The following RNF123 variants were observed in gnomAD, a reference collection of about 807,000 sequenced individuals.
RNF123 encodes E3 ubiquitin-protein ligase RNF123.
In RNF123, 86 loss-of-function variants were observed where a neutral mutation model predicts 168.5. The observed-to-expected ratio is 0.51, with a 90% CI of 0.43 to 0.61. The LOEUF is 0.61. RNF123 is among the 20% of genes least tolerant of loss of function. The pLI is 0.00. For synonymous variants in RNF123, 666 were observed against 689.1 expected, an observed-to-expected ratio of 0.97 and a Z score of 0.52; for missense variants, 1,419 against 1,729.7, an observed-to-expected ratio of 0.82 and a Z score of 3.19.
chr3:49,698,416 A>T, intron 7 of RNF123, 24 bp from the exon 8 acceptor site: 1 of 1,600,012 alleles, frequency 6.2e-7, no homozygotes, highest in Non-Finnish European at 8.6e-7. Context: ...CTCACCAGGG[A>T]CCTCATAGGC....
intron 29 of RNF123, 23 bp from the exon 30 acceptor site, chr3:49,713,887 C>G (rs771767219): frequency 6.2e-7 from 1 of 1,613,276 alleles, no homozygotes; most frequent in Non-Finnish European, 8.5e-7. Context: ...CTCACCCCGT[C>G]TCTCCCCTCC....
At position 49,691,482 on chromosome 3, in the gene RNF123, A is replaced by G. The variant is rs1329124932; in HGVS notation, c.140A>G (p.Glu47Gly). Residue 47 changes from glutamate (E) to glycine (G), a missense_variant, in exon 3 of 39, where the codon GAA (glutamate) becomes GGA (glycine). Glu to Gly is a moderately conservative substitution (Grantham distance 98). Around this residue, in one of 5 missense-constraint regions of RNF123, gnomAD observed 318 missense variants for 446.6 expected, o/e 0.71. Coordinates refer to ENST00000327697, the MANE Select transcript of RNF123 (RefSeq NM_022064.5). Reference sequence around the variant, plus strand: ...CTGAACCGCATCTTTTCCTCTTCTGAACATGCACCCCCAGCAGCCACCAGC... The same window carrying G: ...CTGAACCGCATCTTTTCCTCTTCTGGACATGCACCCCCAGCAGCCACCAGC... ...DYLNRIFSSSEHAPPAATSRK... is the reference protein window; with the variant it reads ...DYLNRIFSSSGHAPPAATSRK... 1 of 1,614,146 alleles carries G rather than the reference A, an allele frequency of 6.2e-7. No homozygotes were observed. Among genetic ancestry groups the G allele is most frequent in the Non-Finnish European group, 8.5e-7 (1 of 1,180,022 alleles).
In RNF123 at chr3:49,712,880, AAGATGGAACACGGTGGGTGT is replaced by A. The variant is rs1361702243; in HGVS notation, c.2674+228_2674+247del. 6 of 705,512 alleles carry A rather than the reference AAGATGGAACACGGTGGGTGT, an allele frequency of 8.5e-6. No homozygotes were observed. In the African/African-American group the frequency reaches 1.0e-4, roughly 12 times the overall value. 43.7% of individuals were successfully genotyped at this position (705,512 alleles called of 1,614,324 possible). A position where few individuals can be genotyped will look rare whatever the true frequency, so the allele number is the denominator to read the frequency against. On this transcript the variant is annotated intron_variant, in intron 27 of 38. Coordinates refer to ENST00000327697, the MANE Select transcript of RNF123 (RefSeq NM_022064.5). ...AGCTCCCTAGCAAAGGAAAACAGAC[AAGATGGAACACGGTGGGTGT>A]AGACCTCTTGGCTTTCACTTCCTTC...
At chr3:49,710,856 T>G (rs2080132218) in intron 26 of RNF123, among the ~76,000 whole-genome samples, 1 of 152,206 alleles carries the variant, frequency 6.6e-6, no homozygotes, top group Admixed American at 6.5e-5. Flanking sequence ...GAGTGTGATG[T>G]TAGATGGAGG....
chr3:49,720,669 G>A lies in RNF123; in HGVS notation c.3643+16G>A. 1 of 1,595,164 alleles carries A rather than the reference G, an allele frequency of 6.3e-7. No homozygotes were observed. On this transcript the variant is annotated intron_variant, in intron 36 of 38. Transcript: ENST00000327697. Reference sequence around the variant, plus strand: ...CTGCAGAGCTGTGAGTGGGCTGGTGGGGCAGGTCAGGGAAATCTGGGGCTG... The same window carrying A: ...CTGCAGAGCTGTGAGTGGGCTGGTGAGGCAGGTCAGGGAAATCTGGGGCTG...
chr3:49,691,566 G>T (rs2054167495), intron 3 of RNF123, 57 bp downstream of exon 3: 2 of 1,428,908 alleles, frequency 1.4e-6, no homozygotes, highest in African/African-American at 1.4e-5. Flanking sequence ...GAATAAGGAG[G>T]CTGCAGTTGT....
In RNF123 at chr3:49,703,483, C is replaced by A. The variant is rs2054449691; in HGVS notation, c.1807C>A (p.Gln603Lys). The stretch of plus-strand genomic sequence containing the variant: ...TGGCAAGGTGGACTACTTTGACCTG[C>A]AGCGCCTGGGGGGCCTCCTCTCGCA... ...YNGKVDYFDL[Q>K]RLGGLLSHLR... The change falls in exon 21 of 39, where the codon CAG becomes AAG. Residue 603 changes from glutamine (Q) to lysine (K), a missense_variant. Gln to Lys is a moderately conservative substitution (Grantham distance 53). Coordinates refer to ENST00000327697, the MANE Select transcript of RNF123 (RefSeq NM_022064.5). The A allele has an allele frequency of 2.5e-6, 4 of 1,614,050 alleles. No individual in the cohort carries two copies. The highest frequency in any genetic ancestry group is 3.4e-6 in the Non-Finnish European group (4 of 1,179,980).
chr3:49,709,543 A>G (rs1575533892), intron 26 of RNF123, among the ~76,000 whole-genome samples: 1 of 150,282 alleles, frequency 6.7e-6, no homozygotes. Context: ...CTCGTGATCC[A>G]CCCGCCTCGG....
chr3:49,704,068 G>T (rs1480034323), intron 21 of RNF123, among the ~76,000 whole-genome samples: 1 of 152,228 alleles, frequency 6.6e-6, no homozygotes, highest in African/African-American at 2.4e-5. Context: ...AGGTTGTGTG[G>T]ATGGGGTGCC....
In RNF123 at chr3:49,691,211, A is replaced by T. The variant is rs2054156414; in HGVS notation, c.46A>T (p.Arg16Trp). ...CATGTCTTTCTCCCGCAAGAGCTAT[A>T]GGCTGACCTCAGATGCTGAGAAATC... ...AGMSFSRKSY[R>W]LTSDAEKSRV... The change falls in exon 2 of 39, where the codon AGG becomes TGG. Residue 16 changes from arginine to tryptophan, a missense_variant. Physicochemically the swap from Arg to Trp is moderately radical, Grantham distance 101. Around this residue, in one of 5 missense-constraint regions of RNF123, gnomAD observed 318 missense variants for 446.6 expected, o/e 0.71. Transcript: ENST00000327697. 6.2e-7 allele frequency: 1 copy of T among 1,613,846 alleles called. No individual in the cohort carries two copies. Among genetic ancestry groups the T allele is most frequent in the Admixed American group, 1.7e-5 (1 of 60,000 alleles).
intron 35 of RNF123, chr3:49,719,572 C>T: frequency 2.0e-6 from 2 of 1,007,064 alleles, no homozygotes; most frequent in Non-Finnish European, 2.9e-6. Flanking sequence ...ATGGCCCTTG[C>T]CGAGGAGGCA....
chr3:49,703,403 C>T, intron 20 of RNF123, 24 bp from the exon 21 acceptor site: 39 of 1,598,814 alleles, frequency 2.4e-5, no homozygotes, highest in Non-Finnish European at 3.1e-5. Flanking sequence ...TGACCACTGG[C>T]CTAGCCTCCT....
chr3:49,698,950 A>C (rs1422479295), intron 9 of RNF123, 30 bp from the exon 10 acceptor site: 1 of 1,612,542 alleles, frequency 6.2e-7, no homozygotes, highest in Non-Finnish European at 8.5e-7. Flanking sequence ...CATGCTTAGC[A>C]CTGGCTCACA....
At chr3:49,709,444 G>A (rs2080099731) in intron 26 of RNF123, among the ~76,000 whole-genome samples, 1 of 152,140 alleles carries the variant, frequency 6.6e-6, no homozygotes, top group Admixed American at 6.5e-5. Flanking sequence ...GGGACTACAG[G>A]CGCCTGCCAC....
intron 26 of RNF123, among the ~76,000 whole-genome samples, chr3:49,710,429 G>A (rs1054443923): frequency 6.6e-6 from 1 of 152,142 alleles, no homozygotes; most frequent in South Asian, 2.1e-4. Context: ...ATAGGCATAC[G>A]CCACCACGCC....
chr3:49,719,575 A>G lies in RNF123; in HGVS notation c.3501-936A>G, dbSNP rs549147049. 1.0e-5 allele frequency: 10 copies of G among 983,018 alleles called. No homozygotes were observed. In the Admixed American group the frequency reaches 1.1e-4, roughly 10 times the overall value. The allele number at this position is 983,018 out of a possible 1,614,324, so 60.9% of individuals were successfully genotyped here. ...GGGTGGCACCGGATGGCCCTTGCCGAGGAGGCACGGCGGGTTCTTGCCAGC... is the reference window on the plus strand; with the variant it reads ...GGGTGGCACCGGATGGCCCTTGCCGGGGAGGCACGGCGGGTTCTTGCCAGC... On this transcript the variant is annotated intron_variant, in intron 35 of 38. Transcript: ENST00000327697.
At position 49,721,082 on chromosome 3, in the gene RNF123, G is replaced by A. The variant is rs748372837; in HGVS notation, c.3801G>A (p.Gln1267=). ...CYAHPISAVF[Q]PCGHKSCKAC... ...CCCACCCCATCTCTGCTGTGTTCCA[G>A]CCCTGTGGCCACAAGTCCTGCAAGT... Residue 1267 remains glutamine, a synonymous_variant, in exon 38 of 39, where the codon CAG becomes CAA. Coordinates refer to ENST00000327697, the MANE Select transcript of RNF123 (RefSeq NM_022064.5). The A allele has an allele frequency of 1.1e-5, 17 of 1,614,000 alleles. No homozygotes were observed. The highest frequency in any genetic ancestry group is 1.4e-5 in the Non-Finnish European group (17 of 1,179,930).
rs752207780 is a variant in RNF123 at position 49,700,720 on chromosome 3, C to T, written c.1277+11C>T. On this transcript the variant is annotated intron_variant, in intron 15 of 38. Transcript: ENST00000327697. ...GCTTAGCAATGTCCTGTATCCTTTC[C>T]TTGCTGCCTGGCAGGCCAGACATGG... 4.6e-5 allele frequency: 75 copies of T among 1,613,926 alleles called. No homozygotes were observed. Among genetic ancestry groups the T allele is most frequent in the Non-Finnish European group, 6.2e-5 (73 of 1,179,992 alleles).
At position 49,705,098 on chromosome 3, in the gene RNF123, C is replaced by T. The variant is rs770011076; in HGVS notation, c.2074C>T (p.Leu692Phe). Residue 692 changes from leucine to phenylalanine, a missense_variant, in exon 23 of 39, where the codon CTC (leucine) becomes TTC (phenylalanine). Physicochemically the swap from Leu to Phe is conservative, Grantham distance 22. This residue lies in a region of RNF123 where 538 missense variants were observed against 708.8 expected (regional missense o/e 0.76). Transcript: ENST00000327697. ...NRFLSTAAVS[L>F]MTPRRPLSTS... ...CTTCCTCAGCACAGCGGCTGTGAGCCTCATGACCCCACGGCGGCCTCTGAG... is the reference window on the plus strand; with the variant it reads ...CTTCCTCAGCACAGCGGCTGTGAGCTTCATGACCCCACGGCGGCCTCTGAG... The T allele has an allele frequency of 1.2e-6, 2 of 1,611,508 alleles. No homozygotes were observed. The highest frequency in any genetic ancestry group is 2.7e-5 in the African/African-American group (2 of 74,910).
Sources: allele counts gnomAD v4.1 joint callset (sites outside exome capture counted in the v4.1 genomes callset), GRCh38; gene constraint gnomAD v4.1.1; regional missense constraint gnomAD v4.1.1; transcripts MANE v1.5; gene names NCBI Gene and HGNC (gene_info 2026-07-23, HGNC 2026-07-21).